RFTN1: variants seen among roughly 807,000 people sequenced by gnomAD.
RFTN1 encodes raftlin, lipid raft linker 1.
Under a neutral mutation model 46.5 loss-of-function variants are expected in RFTN1, and 26 were observed. The observed-to-expected ratio is 0.56, with a 90% CI of 0.41 to 0.78. RFTN1 has a LOEUF of 0.78. RFTN1 is among the 30% of genes least tolerant of loss of function. The pLI, the probability that RFTN1 is intolerant of heterozygous loss-of-function variation, is 0.00. For missense variants in RFTN1, 693 were observed against 718.7 expected (o/e 0.96, Z 0.41); for synonymous variants, 261 against 284.2 (o/e 0.92, Z 0.82).
chr3:16,319,526 T>C (rs1272615166), intron 9 of RFTN1, among the ~76,000 whole-genome samples: 1 of 152,206 alleles, frequency 6.6e-6, no homozygotes, highest in African/African-American at 2.4e-5. Flanking sequence ...CCCTCTGCTG[T>C]TGTGCAGTGT....
rs2075282354 is a variant in RFTN1 at position 16,425,968 on chromosome 3, G to A, written c.332+7883C>T. On this transcript the variant is annotated intron_variant, in intron 3 of 9. Coordinates refer to ENST00000334133, the MANE Select transcript of RFTN1 (RefSeq NM_015150.2). The surrounding 1 kb of genome is among the most constrained non-coding windows in gnomAD (Gnocchi z 4.3). Reference sequence around the variant, plus strand: ...AACGAGGGGCAGCTGCCAGCAACGGGTGTTCGCCCCACCTAAATCGGAATC... The same window carrying A: ...AACGAGGGGCAGCTGCCAGCAACGGATGTTCGCCCCACCTAAATCGGAATC... Among the ~76,000 whole-genome samples, 1 of 152,162 alleles carries A rather than the reference G, an allele frequency of 6.6e-6. No homozygotes were observed. Among genetic ancestry groups the A allele is most frequent in the Admixed American group, 6.5e-5 (1 of 15,274 alleles).
At position 16,449,907 on chromosome 3, in the gene RFTN1, T is replaced by C. The variant is rs903890073; in HGVS notation, c.146-15870A>G. ...CTGCAGAAGCCTAGAGAGCTGGTTC[T>C]AGAAAATGGCCCCATCTCTAGAAGT... On this transcript the variant is annotated intron_variant, in intron 2 of 9. Transcript: ENST00000334133. The surrounding 1 kb of genome is among the most constrained non-coding windows in gnomAD (Gnocchi z 5.1). Among the ~76,000 whole-genome samples, 2 of 152,138 alleles carry C rather than the reference T, an allele frequency of 1.3e-5. No individual in the cohort carries two copies. Among genetic ancestry groups the C allele is most frequent in the East Asian group, 3.8e-4 (2 of 5,200 alleles).
intron 5 of RFTN1, among the ~76,000 whole-genome samples, chr3:16,372,125 C>T (rs373034565): frequency 9.2e-5 from 14 of 152,206 alleles, no homozygotes; most frequent in African/African-American, 3.4e-4. Context: ...GCAAGCTTTC[C>T]TGTGCAAGTA....
intron 9 of RFTN1, among the ~76,000 whole-genome samples, chr3:16,323,140 T>TC (rs1423065047): frequency 6.6e-6 from 1 of 152,140 alleles, no homozygotes; most frequent in Non-Finnish European, 1.5e-5. Context: ...AGAGCCTCTC[T>TC]CCTCCATCCT....
In RFTN1 at chr3:16,473,439, C is replaced by T. The variant is rs1293533955; in HGVS notation, c.145+20286G>A. 1.3e-5 allele frequency among the ~76,000 whole-genome samples: 2 copies of T among 150,598 alleles called. No homozygotes were observed. The highest frequency in any genetic ancestry group is 2.5e-5 in the African/African-American group (1 of 40,716). On this transcript the variant is annotated intron_variant, in intron 2 of 9. Coordinates refer to ENST00000334133, the MANE Select transcript of RFTN1 (RefSeq NM_015150.2). The surrounding 1 kb of genome is among the most constrained non-coding windows in gnomAD (Gnocchi z 5.3). ...TTCCTGAGATAGAGTCTGGCTCTGTCGCCAAGGCTGGAGTGCAGTGGTGTG... is the reference window on the plus strand; with the variant it reads ...TTCCTGAGATAGAGTCTGGCTCTGTTGCCAAGGCTGGAGTGCAGTGGTGTG...
In RFTN1 at chr3:16,506,358, A is replaced by G. The variant is rs2076806313; in HGVS notation, c.-9+7084T>C. Among the ~76,000 whole-genome samples, 1 of 152,142 alleles carries G rather than the reference A, an allele frequency of 6.6e-6. No homozygotes were observed. ...AGAGCGTAGGCCTGGCCGGGCCGTG[A>G]GCACTTCAGCTTTACCCTGACTGAG... On this transcript the variant is annotated intron_variant, in intron 1 of 9. Coordinates refer to ENST00000334133, the MANE Select transcript of RFTN1 (RefSeq NM_015150.2). The surrounding 1 kb of genome is among the most constrained non-coding windows in gnomAD (Gnocchi z 4.8).
At chr3:16,414,603 CAAA>C (rs71632872) in intron 3 of RFTN1, among the ~76,000 whole-genome samples, 2 of 112,346 alleles carry the variant, frequency 1.8e-5, no homozygotes. Context: ...GACTTCATCT[CAAA>C]AAAAAAAAAA....
rs2071013304 is a variant in RFTN1, at chr3:16,337,862, G to GC, written c.1147-10987dup. Among the ~76,000 whole-genome samples the GC allele has an allele frequency of 6.6e-6, 1 of 152,154 alleles. No homozygotes were observed. The highest frequency in any genetic ancestry group is 1.5e-5 in the Non-Finnish European group (1 of 68,042). On this transcript the variant is annotated intron_variant, in intron 7 of 9. Coordinates refer to ENST00000334133, the MANE Select transcript of RFTN1 (RefSeq NM_015150.2). This position sits in a 1 kb window ranked among gnomAD's most constrained non-coding sequence, Gnocchi z 5.0. The stretch of plus-strand genomic sequence containing the variant: ...ACCACACTCAAGGCTGGCACACCTA[G>GC]CCCTTATTTGCTCCAGGCCGGACAC...
At position 16,512,674 on chromosome 3, in the gene RFTN1, C is replaced by G. The variant is rs942541335; in HGVS notation, c.-9+768G>C. ...GGACTGGGGTGCGCGTGCCTGACAA[C>G]GGGGCTTCCCGAAATACACAACCAC... On this transcript the variant is annotated intron_variant, in intron 1 of 9. Transcript: ENST00000334133. This position sits in a 1 kb window ranked among gnomAD's most constrained non-coding sequence, Gnocchi z 4.3. 2.0e-5 allele frequency: 3 copies of G among 152,500 alleles called. No individual in the cohort carries two copies. The highest frequency in any genetic ancestry group is 7.2e-5 in the African/African-American group (3 of 41,456). The allele number at this position is 152,500 out of a possible 1,614,324, so 9.4% of individuals were successfully genotyped here. A position where few individuals can be genotyped will look rare whatever the true frequency, so the allele number is the denominator to read the frequency against.
rs1160394743 is a variant in RFTN1 at position 16,357,949 on chromosome 3, GTTCAACCACAA to G, written c.1118_1128del (p.Ile373ThrfsTer89). On this transcript the variant is annotated frameshift_variant, in exon 7 of 10. Transcript: ENST00000334133. LOFTEE classifies it high-confidence loss of function. ...ACACTTACTTCCAGGACTGTCCATTGTTCAACCACAATAGCATCATAGCCCTGTATGGTTTT... is the reference window on the plus strand; with the variant it reads ...ACACTTACTTCCAGGACTGTCCATTGTAGCATCATAGCCCTGTATGGTTTT... 1.2e-6 allele frequency: 2 copies of G among 1,606,462 alleles called. No individual in the cohort carries two copies. Among genetic ancestry groups the G allele is most frequent in the Non-Finnish European group, 1.7e-6 (2 of 1,175,030 alleles).
At chr3:16,493,204 G>C (rs1356711170) in intron 2 of RFTN1, among the ~76,000 whole-genome samples, 1 of 151,086 alleles carries the variant, frequency 6.6e-6, no homozygotes, top group Admixed American at 6.6e-5. Flanking sequence ...GCTCACACAT[G>C]ATTTTCATTT....
chr3:16,388,762 A>T (rs1054934699), intron 4 of RFTN1, among the ~76,000 whole-genome samples: 1 of 152,228 alleles, frequency 6.6e-6, no homozygotes, highest in African/African-American at 2.4e-5. Context: ...AGGCATACCC[A>T]TGGGCCTTGT....
chr3:16,343,332 T>C (rs2071432832), intron 7 of RFTN1, among the ~76,000 whole-genome samples: 1 of 152,190 alleles, frequency 6.6e-6, no homozygotes, highest in Non-Finnish European at 1.5e-5. Context: ...CCACATACAC[T>C]CTCCAATTAG....
At position 16,334,872 on chromosome 3, in the gene RFTN1, C is replaced by T. The variant is rs1447216977; in HGVS notation, c.1147-7996G>A. Among the ~76,000 whole-genome samples the T allele has an allele frequency of 1.3e-5, 2 of 152,088 alleles. No homozygotes were observed. The highest frequency in any genetic ancestry group is 1.5e-5 in the Non-Finnish European group (1 of 68,024). On this transcript the variant is annotated intron_variant, in intron 7 of 9. Coordinates refer to ENST00000334133, the MANE Select transcript of RFTN1 (RefSeq NM_015150.2). The surrounding 1 kb of genome is among the most constrained non-coding windows in gnomAD (Gnocchi z 4.3). ...GTGTGCCCAGTATAATCACAGGGGT[C>T]CTTATAAGGACAGGCAGGAAGGCCA...
Position 16,413,188 on chromosome 3 carries a change from G to A in RFTN1, c.333-3705C>T, listed in dbSNP as rs375934347. The stretch of plus-strand genomic sequence containing the variant: ...CATGCTTAGAACAGGCCACCCACTG[G>A]TGACCAGGCCTAGGCCCAAACCCAC... On this transcript the variant is annotated intron_variant, in intron 3 of 9. Transcript: ENST00000334133. This position sits in a 1 kb window ranked among gnomAD's most constrained non-coding sequence, Gnocchi z 4.7. Among the ~76,000 whole-genome samples, 7 of 152,250 alleles carry A rather than the reference G, an allele frequency of 4.6e-5. No homozygotes were observed. The highest frequency in any genetic ancestry group is 1.7e-4 in the African/African-American group (7 of 41,450).
chr3:16,383,967 AG>A lies in RFTN1; in HGVS notation c.442-5866del, dbSNP rs1273295463. Among the ~76,000 whole-genome samples, 2 of 152,254 alleles carry A rather than the reference AG, an allele frequency of 1.3e-5. No individual in the cohort carries two copies. The highest frequency in any genetic ancestry group is 6.5e-5 in the Admixed American group (1 of 15,292). On this transcript the variant is annotated intron_variant, in intron 4 of 9. Transcript: ENST00000334133. This position sits in a 1 kb window ranked among gnomAD's most constrained non-coding sequence, Gnocchi z 4.0. ...CAATTGTTTGGTAAAACTCTAGTCTAGATGTTGCTGTAAAGGTATTTTTTAA... is the reference window on the plus strand; with the variant it reads ...CAATTGTTTGGTAAAACTCTAGTCTAATGTTGCTGTAAAGGTATTTTTTAA...
chr3:16,408,575 A>C (rs1253596063), intron 4 of RFTN1, among the ~76,000 whole-genome samples: 1 of 145,358 alleles, frequency 6.9e-6, no homozygotes, highest in Non-Finnish European at 1.5e-5. Context: ...TCATATTAAA[A>C]CTCAAGTAGA....
intron 4 of RFTN1, among the ~76,000 whole-genome samples, chr3:16,378,467 T>G (rs894302023): frequency 5.7e-4 from 86 of 152,140 alleles, no homozygotes; most frequent in African/African-American, 1.9e-3. Context: ...AAGAGTTTAG[T>G]TTTTTTTGTC....
In RFTN1 at chr3:16,316,743, C is replaced by T. The variant is rs2068431802; in HGVS notation, c.*85G>A. ...CCAAAGGGTAGGTAACACACAACAC[C>T]AGGGAAACCAGCCCCCAAACCAGCT... On this transcript the variant is annotated 3_prime_UTR_variant, in exon 10 of 10. Transcript: ENST00000334133. This position sits in a 1 kb window ranked among gnomAD's most constrained non-coding sequence, Gnocchi z 4.5. 3.2e-6 allele frequency: 5 copies of T among 1,540,754 alleles called. No homozygotes were observed. Among genetic ancestry groups the T allele is most frequent in the African/African-American group, 1.4e-5 (1 of 73,232 alleles).
Sources: allele counts gnomAD v4.1 joint callset (sites outside exome capture counted in the v4.1 genomes callset), GRCh38; gene constraint gnomAD v4.1.1; non-coding constraint Gnocchi (gnomAD v3.1); transcripts MANE v1.5; gene names NCBI Gene and HGNC (gene_info 2026-07-23, HGNC 2026-07-21).